TTLL8: variants seen among roughly 807,000 people sequenced by gnomAD.
The protein encoded by TTLL8 is protein monoglycylase TTLL8.
Under a neutral mutation model 77.8 loss-of-function variants are expected in TTLL8, and 65 were observed. That is an observed-to-expected ratio of 0.84 (90% CI 0.68 to 1.03). The LOEUF is 1.03. Ranked by LOEUF, TTLL8 falls within the 50% of genes least tolerant of loss-of-function variation. The probability of loss-of-function intolerance (pLI) is 0.00; values close to 1 mark genes in which losing one functional copy is unlikely to be tolerated. For missense variants in TTLL8, 910 were observed against 1,004.5 expected (o/e 0.91, Z 1.27); for synonymous variants, 402 against 422.8 (o/e 0.95, Z 0.60).
chr22:50,056,709 C>A (rs1318811132), upstream of TTLL8: 1 of 979,158 alleles, frequency 1.0e-6, no homozygotes, highest in Non-Finnish European at 1.2e-6. This position sits in a 1 kb window ranked among gnomAD's most constrained non-coding sequence, Gnocchi z 4.1. Context: ...TGGGGTCCTC[C>A]GCCTGGACCG....
chr22:50,023,906 G>C (rs1431689597), intron 12 of TTLL8, among the ~76,000 whole-genome samples: 1 of 151,828 alleles, frequency 6.6e-6, no homozygotes, highest in East Asian at 2.0e-4. Flanking sequence ...TGTAATCCCA[G>C]CTACTTGGGA....
intron 9 of TTLL8, 90 bp from the exon 11 acceptor site, chr22:50,033,535 C>A (rs1392875261): frequency 1.4e-5 from 16 of 1,167,878 alleles, no homozygotes; most frequent in Non-Finnish European, 1.6e-5. Flanking sequence ...CGCAGCTTGG[C>A]CCTGAGACCT....
At chr22:50,052,026 A>G (rs1469396571) in intron 1 of TTLL8, among the ~76,000 whole-genome samples, 1 of 152,010 alleles carries the variant, frequency 6.6e-6, no homozygotes, top group Non-Finnish European at 1.5e-5. Context: ...CCCAGCACCC[A>G]TACGAGACAT....
chr22:50,021,358 CTGACATGCACTCCTCCATCTGA>C (rs2146622538), intron 12 of TTLL8, among the ~76,000 whole-genome samples: 1 of 150,212 alleles, frequency 6.7e-6, no homozygotes, highest in Non-Finnish European at 1.5e-5. Flanking sequence ...ACTCCTCCAT[CTGACATGCACTCCTCCATCTGA>C]TGACGTGCAC....
At chr22:50,056,685 C>A, upstream of TTLL8, 3 of 899,558 alleles carry the variant, frequency 3.3e-6, no homozygotes, top group Non-Finnish European at 4.0e-6. The surrounding 1 kb of genome is among the most constrained non-coding windows in gnomAD (Gnocchi z 4.1). Context: ...GGAGCCAGCG[C>A]CCCCCAACAC....
chr22:50,024,020 AAAAC>A (rs1405091763), intron 12 of TTLL8, among the ~76,000 whole-genome samples: 2 of 152,364 alleles, frequency 1.3e-5, no homozygotes, highest in South Asian at 2.1e-4. Context: ...ACTCTGTCTC[AAAAC>A]AAACAAACAG....
chr22:50,056,796 G>A, upstream of TTLL8: 1 of 1,289,194 alleles, frequency 7.8e-7, no homozygotes, highest in South Asian at 1.2e-5. The surrounding 1 kb of genome is among the most constrained non-coding windows in gnomAD (Gnocchi z 4.1). Context: ...GCAGCAGGCT[G>A]CAGCCAGCAC....
intron 1 of TTLL8, among the ~76,000 whole-genome samples, chr22:50,050,585 G>A (rs148748460): frequency 2.4e-4 from 37 of 152,158 alleles, no homozygotes; most frequent in Non-Finnish European, 4.6e-4. Flanking sequence ...TAGTTCACAA[G>A]ACAGGAGGAG....
intron 11 of TTLL8, 199 bp downstream of exon 12, chr22:50,031,487 C>T (rs541967978): frequency 1.4e-5 from 13 of 942,614 alleles, no homozygotes; most frequent in Non-Finnish European, 1.4e-5. Flanking sequence ...TCGGTGCCGA[C>T]GAGGCACTGA....
In TTLL8 at chr22:50,044,232, C is replaced by T. The variant is rs1191999931; in HGVS notation, c.643+1023G>A. ...ACTCGGGAGGCTGAGACAGGAGAAT[C>T]GCTTGAACCCAGGAGGCGGAGGTTG... is the stretch of plus-strand genomic sequence containing the variant. On this transcript the variant is annotated intron_variant, in intron 6 of 13. Coordinates refer to ENST00000266182, the Ensembl canonical transcript of TTLL8. This position sits in a 1 kb window ranked among gnomAD's most constrained non-coding sequence, Gnocchi z 4.2. Among the ~76,000 whole-genome samples, 3 of 151,882 alleles carry T rather than the reference C, an allele frequency of 2.0e-5. No individual in the cohort carries two copies. The highest frequency in any genetic ancestry group is 7.3e-5 in the African/African-American group (3 of 41,314).
rs549384957 is a variant in TTLL8, at chr22:50,034,327, T to C, written c.1039+18A>G. 1 of 1,361,512 alleles carries C rather than the reference T, an allele frequency of 7.3e-7. No individual in the cohort carries two copies. The highest frequency in any genetic ancestry group is 9.8e-7 in the Non-Finnish European group (1 of 1,020,008). 84.3% of individuals were successfully genotyped at this position (1,361,512 alleles called of 1,614,324 possible). On this transcript the variant is annotated intron_variant, in intron 9 of 13. Transcript: ENST00000266182. The surrounding 1 kb of genome is among the most constrained non-coding windows in gnomAD (Gnocchi z 4.1). ...TGGCCGTTGGTGGCTATGAACGCGG[T>C]GCAGGGAGCATCCGCACCAGGGGAC...
At chr22:50,023,778 T>G (rs1295917974) in intron 12 of TTLL8, among the ~76,000 whole-genome samples, 1 of 152,050 alleles carries the variant, frequency 6.6e-6, no homozygotes, top group East Asian at 1.9e-4. Context: ...CCCGGCACTT[T>G]GGGAGGCCGA....
chr22:50,049,888 G>T (rs2033706708), intron 2 of TTLL8: 3 of 251,382 alleles, frequency 1.2e-5, no homozygotes, highest in African/African-American at 4.6e-5. Context: ...AGGCCACAGG[G>T]ACTCTGAGAA....
At chr22:50,020,692 TCC>T (rs1390931946) in intron 12 of TTLL8, among the ~76,000 whole-genome samples, 1 of 149,768 alleles carries the variant, frequency 6.7e-6, no homozygotes, top group African/African-American at 2.5e-5. Flanking sequence ...CGTGCACTCC[TCC>T]ATCTGACATG....
chr22:50,022,698 A>G (rs2061212083), intron 12 of TTLL8, among the ~76,000 whole-genome samples: 1 of 152,108 alleles, frequency 6.6e-6, no homozygotes, highest in African/African-American at 2.4e-5. Flanking sequence ...CACAGTTAAG[A>G]AACTCCTGCC....
chr22:50,028,801 CA>C (rs1293102625), intron 12 of TTLL8, among the ~76,000 whole-genome samples: 1 of 27,158 alleles, frequency 3.7e-5, no homozygotes, highest in African/African-American at 1.6e-4. Flanking sequence ...CTGAAGACCC[CA>C]CACACCCTCG....
At chr22:50,052,650 G>A (rs569633696) in intron 1 of TTLL8, among the ~76,000 whole-genome samples, 1 of 152,238 alleles carries the variant, frequency 6.6e-6, no homozygotes, top group African/African-American at 2.4e-5. Flanking sequence ...AGACAAAATA[G>A]TCTTTGGGAC....
At chr22:50,042,717 C>G (rs1322570877) in intron 6 of TTLL8, among the ~76,000 whole-genome samples, 1 of 152,128 alleles carries the variant, frequency 6.6e-6, no homozygotes, top group African/African-American at 2.4e-5. Flanking sequence ...ATCGCTGGAG[C>G]CTGAAAGTTT....
At position 50,044,779 on chromosome 22, in the gene TTLL8, T is replaced by G. The variant is rs1009870526; in HGVS notation, c.643+476A>C. ...AAACTGCTCTAGAAATTACATTTTATTAAAACCAACAACCACAAAAAAGAT... is the reference window on the plus strand; with the variant it reads ...AAACTGCTCTAGAAATTACATTTTAGTAAAACCAACAACCACAAAAAAGAT... On this transcript the variant is annotated intron_variant, in intron 6 of 13. Transcript: ENST00000266182. This position sits in a 1 kb window ranked among gnomAD's most constrained non-coding sequence, Gnocchi z 4.2. Among the ~76,000 whole-genome samples, 1 of 152,156 alleles carries G rather than the reference T, an allele frequency of 6.6e-6. No individual in the cohort carries two copies. Among genetic ancestry groups the G allele is most frequent in the Non-Finnish European group, 1.5e-5 (1 of 68,030 alleles).
Sources: allele counts gnomAD v4.1 joint callset (sites outside exome capture counted in the v4.1 genomes callset), GRCh38; gene constraint gnomAD v4.1.1; non-coding constraint Gnocchi (gnomAD v3.1); transcripts MANE v1.5; gene names NCBI Gene and HGNC (gene_info 2026-07-23, HGNC 2026-07-21).